APH1B: variants seen among roughly 807,000 people sequenced by gnomAD.
APH1B encodes gamma-secretase subunit APH-1B.
Under a neutral mutation model 28.2 loss-of-function variants are expected in APH1B, and 27 were observed. The ratio of observed to expected loss-of-function variants is 0.96; its 90% CI spans 0.70 to 1.32. The LOEUF (loss-of-function observed/expected upper bound fraction) is 1.32. APH1B is among the 40% of genes most tolerant of loss of function. APH1B has a pLI of 0.00. For synonymous variants in APH1B, 141 were observed against 124.6 expected (o/e 1.13, Z -0.88); for missense variants, 305 against 313.6 (o/e 0.97, Z 0.21).
intron 4 of APH1B, among the ~76,000 whole-genome samples, chr15:63,289,500 TAATCCAAA>T (rs370521647): frequency 5.3e-5 from 8 of 152,312 alleles, no homozygotes; most frequent in African/African-American, 1.9e-4. Flanking sequence ...TAAGCATTTT[TAATCCAAA>T]AATCCAAAAT....
At chr15:63,305,029 C>G (rs2038672043) in intron 5 of APH1B, among the ~76,000 whole-genome samples, 1 of 152,170 alleles carries the variant, frequency 6.6e-6, no homozygotes, top group Non-Finnish European at 1.5e-5. Flanking sequence ...ATTATGCTGT[C>G]CTAGCATTCA....
intron 4 of APH1B, among the ~76,000 whole-genome samples, chr15:63,298,562 G>A (rs984758672): frequency 3.3e-5 from 5 of 152,146 alleles, no homozygotes; most frequent in African/African-American, 1.2e-4. Flanking sequence ...GGATATAAAT[G>A]GTCATTGCTG....
At position 63,295,321 on chromosome 15, in the gene APH1B, C is replaced by G. The variant is rs142722823; in HGVS notation, c.479-7024C>G. On this transcript the variant is annotated intron_variant, in intron 4 of 5. Transcript: ENST00000261879. ...TGCCCGCTGCCTGAAGGCAGGTCCC[C>G]CATTAGGGGATTGTACTCCAGGCTG... Among the ~76,000 whole-genome samples, 986 of 152,340 alleles carry G rather than the reference C, an allele frequency of 6.5e-3. 8 individuals are homozygous for G. The highest frequency in any genetic ancestry group is 0.022 in the African/African-American group (897 of 41,576).
chr15:63,305,954 GT>G lies in APH1B; in HGVS notation c.*174del, dbSNP rs2038683802. On this transcript the variant is annotated 3_prime_UTR_variant, in exon 6 of 6. Transcript: ENST00000261879. ...AACTGCTCTCCGAAAGGGGTGCTCA[GT>G]GGTGTGCGTCCTGGCTGCACGAGAA... 2 of 807,746 alleles carry G rather than the reference GT, an allele frequency of 2.5e-6. No individual in the cohort carries two copies. Among genetic ancestry groups the G allele is most frequent in the African/African-American group, 3.5e-5 (2 of 57,294 alleles). 50.0% of individuals were successfully genotyped at this position (807,746 alleles called of 1,614,324 possible). A position where few individuals can be genotyped will look rare whatever the true frequency, so the allele number is the denominator to read the frequency against.
chr15:63,297,594 T>C (rs1567031445), intron 4 of APH1B, among the ~76,000 whole-genome samples: 1 of 152,162 alleles, frequency 6.6e-6, no homozygotes, highest in Admixed American at 6.5e-5. Flanking sequence ...TGAAGGACTT[T>C]TAGAATTTTA....
In APH1B at chr15:63,277,686, T is replaced by A. The variant is rs775620188; in HGVS notation, c.63T>A (p.Tyr21Ter). 1 of 1,611,796 alleles carries A rather than the reference T, an allele frequency of 6.2e-7. No homozygotes were observed. Among genetic ancestry groups the A allele is most frequent in the South Asian group, 1.1e-5 (1 of 90,964 alleles). The change falls in exon 1 of 6, where the codon TAT becomes TAA. Residue 21 changes from tyrosine (Y) to a stop codon, truncating the protein, a stop_gained. Transcript: ENST00000261879. LOFTEE classifies it high-confidence loss of function. ...FIAFGPALAL[Y>*]VFTIATEPLR... is the part of the protein sequence containing the mutation. ...CCTTCGGGCCTGCGCTCGCCCTTTA[T>A]GTCTTCACCATCGCCACCGAGCCGT...
intron 4 of APH1B, among the ~76,000 whole-genome samples, chr15:63,300,246 T>TA (rs554971633): frequency 2.3e-4 from 35 of 150,682 alleles, no homozygotes; most frequent in South Asian, 8.4e-4. Context: ...GAAAAACAGT[T>TA]AAAAAAAAAC....
At chr15:63,288,993 T>G (rs1369220415) in intron 4 of APH1B, among the ~76,000 whole-genome samples, 5 of 152,216 alleles carry the variant, frequency 3.3e-5, no homozygotes. Flanking sequence ...CTAATTCCCT[T>G]TAGTGACCTA....
chr15:63,288,837 C>T (rs1015938560), intron 4 of APH1B, among the ~76,000 whole-genome samples: 1 of 152,096 alleles, frequency 6.6e-6, no homozygotes, highest in South Asian at 2.1e-4. Context: ...TGTTAGAACC[C>T]GATGAAAATT....
At chr15:63,282,972 T>C (rs2038404993) in intron 2 of APH1B, among the ~76,000 whole-genome samples, 2 of 152,218 alleles carry the variant, frequency 1.3e-5, no homozygotes, top group African/African-American at 4.8e-5. Context: ...TTGAATTGTT[T>C]CTTTTTTTGT....
Position 63,302,327 on chromosome 15 carries a change from T to G in APH1B, c.479-18T>G, listed in dbSNP as rs201494910. 11 of 1,612,896 alleles carry G rather than the reference T, an allele frequency of 6.8e-6. No homozygotes were observed. The South Asian group carries it at 9.9e-5, about 15-fold the overall frequency. On this transcript the variant is annotated intron_variant, in intron 4 of 5. Coordinates refer to ENST00000261879, the MANE Select transcript of APH1B (RefSeq NM_031301.4). The stretch of plus-strand genomic sequence containing the variant: ...CTGATACCTGTAGGAGTGACACTAA[T>G]GGTCGGCTCTCTTTCAGCTTTCATG...
intron 5 of APH1B, among the ~76,000 whole-genome samples, chr15:63,303,909 T>A (rs1240064738): frequency 1.1e-5 from 1 of 87,398 alleles, no homozygotes; most frequent in Non-Finnish European, 2.8e-5. Flanking sequence ...ACACACACAC[T>A]TCTTTTGGGT....
At chr15:63,296,848 T>C (rs1595763424) in intron 4 of APH1B, among the ~76,000 whole-genome samples, 1 of 152,062 alleles carries the variant, frequency 6.6e-6, no homozygotes, top group Non-Finnish European at 1.5e-5. Context: ...TTAGGAGAGA[T>C]GGGGTTTCAC....
intron 1 of APH1B, 151 bp from the exon 2 acceptor site, chr15:63,279,010 C>T (rs8023653): frequency 0.2 from 110,670 of 564,130 alleles, 12,376 homozygotes; most frequent in Admixed American, 0.3. Flanking sequence ...AACAACTGAT[C>T]AGAGTATCAC....
intron 3 of APH1B, chr15:63,287,171 C>G: frequency 2.6e-6 from 1 of 378,886 alleles, no homozygotes; most frequent in Non-Finnish European, 4.8e-6. Flanking sequence ...TTCTTCTGTG[C>G]CTTTCTAGAC....
intron 4 of APH1B, among the ~76,000 whole-genome samples, chr15:63,291,391 T>C (rs575698367): frequency 1.4e-4 from 22 of 152,356 alleles, no homozygotes; most frequent in African/African-American, 5.3e-4. Flanking sequence ...TCTATTATAT[T>C]TTCTAGACAG....
intron 4 of APH1B, among the ~76,000 whole-genome samples, chr15:63,290,234 G>A (rs895441382): frequency 6.6e-6 from 1 of 152,052 alleles, no homozygotes; most frequent in Non-Finnish European, 1.5e-5. Flanking sequence ...TTACAAACAG[G>A]CATAGTTTAT....
intron 4 of APH1B, among the ~76,000 whole-genome samples, chr15:63,289,783 A>C (rs1434574090): frequency 1.3e-5 from 2 of 152,238 alleles, no homozygotes; most frequent in African/African-American, 4.8e-5. Flanking sequence ...CAGGAGAATC[A>C]CTTGAGCTCA....
intron 2 of APH1B, among the ~76,000 whole-genome samples, chr15:63,280,355 G>T (rs983748204): frequency 6.6e-6 from 1 of 152,144 alleles, no homozygotes; most frequent in African/African-American, 2.4e-5. Context: ...CATGAAATTG[G>T]CTTTGATTAT....
Sources: allele counts gnomAD v4.1 joint callset (sites outside exome capture counted in the v4.1 genomes callset), GRCh38; gene constraint gnomAD v4.1.1; transcripts MANE v1.5; gene names NCBI Gene and HGNC (gene_info 2026-07-23, HGNC 2026-07-21).